The following SELENOF variants were observed in gnomAD, a reference collection of about 807,000 sequenced individuals.
The protein encoded by SELENOF is selenoprotein F, also known as 15 kDa selenoprotein.
Under a neutral mutation model 20.5 loss-of-function variants are expected in SELENOF, and 16 were observed. The ratio of observed to expected loss-of-function variants is 0.78; its 90% CI spans 0.53 to 1.19. SELENOF has a LOEUF of 1.19. Among genes scored for constraint, SELENOF ranks in the 50% most tolerant of loss-of-function variants. SELENOF has a pLI of 0.00. For missense variants in SELENOF, 215 were observed against 194.2 expected, an observed-to-expected ratio of 1.11 and a Z score of -0.64; for synonymous variants, 78 against 74.5, an observed-to-expected ratio of 1.05 and a Z score of -0.24.
At chr1:86,882,195 G>C (rs512328) in intron 2 of SELENOF, among the ~76,000 whole-genome samples, 37,419 of 142,708 alleles carry the variant, frequency 0.26, 5,924 homozygotes, top group African/African-American at 0.45. Context: ...GTTGCAGTGA[G>C]CCGAGATCAC....
At chr1:86,880,545 T>C (rs1035910044) in intron 3 of SELENOF, 117 bp downstream of exon 3, 1 of 557,926 alleles carries the variant, frequency 1.8e-6, no homozygotes, top group Admixed American at 3.7e-5. Context: ...AAAGCATATA[T>C]TGTTAAGAAA....
chr1:86,865,945 C>T (rs1452739994), intron 4 of SELENOF, among the ~76,000 whole-genome samples: 1 of 151,934 alleles, frequency 6.6e-6, no homozygotes, highest in Non-Finnish European at 1.5e-5. Flanking sequence ...TGTAAATCCC[C>T]GTTCTTTGGA....
intron 4 of SELENOF, among the ~76,000 whole-genome samples, chr1:86,863,873 G>A (rs1488433213): frequency 6.6e-6 from 1 of 152,118 alleles, no homozygotes; most frequent in African/African-American, 2.4e-5. Context: ...GCAGTGTAGT[G>A]GCACAATCTC....
intron 1 of SELENOF, among the ~76,000 whole-genome samples, chr1:86,905,660 A>AT (rs1340923291): frequency 2.6e-5 from 4 of 152,198 alleles, no homozygotes; most frequent in African/African-American, 7.2e-5. Flanking sequence ...CAGTTTTCAT[A>AT]TATCTGTTGG....
intron 2 of SELENOF, among the ~76,000 whole-genome samples, chr1:86,891,055 T>C (rs868227046): frequency 6.2e-5 from 9 of 144,216 alleles, no homozygotes; most frequent in Middle Eastern, 7.4e-3. Context: ...TATTTTTTCT[T>C]TTTTTTTTTT....
At chr1:86,882,878 C>T (rs945738696) in intron 2 of SELENOF, among the ~76,000 whole-genome samples, 4 of 152,152 alleles carry the variant, frequency 2.6e-5, no homozygotes, top group Non-Finnish European at 5.9e-5. Context: ...GTAATTCCAG[C>T]ACTTTGGGAC....
At chr1:86,884,919 C>G (rs1659174582) in intron 2 of SELENOF, among the ~76,000 whole-genome samples, 2 of 152,148 alleles carry the variant, frequency 1.3e-5, no homozygotes, top group African/African-American at 4.8e-5. Flanking sequence ...TTTGGAGTCT[C>G]TATTTCCATG....
intron 1 of SELENOF, among the ~76,000 whole-genome samples, chr1:86,911,229 T>C (rs1473085826): frequency 2.6e-5 from 4 of 152,342 alleles, no homozygotes; most frequent in Admixed American, 2.6e-4. Context: ...AAGTGATTTC[T>C]CTACTAAGAA....
rs1006652153 is a variant in SELENOF, at chr1:86,862,462, A to G, written c.*1012T>C. The G allele has an allele frequency of 2.0e-5, 3 of 152,208 alleles. No individual in the cohort carries two copies. Among genetic ancestry groups the G allele is most frequent in the African/African-American group, 7.2e-5 (3 of 41,470 alleles). 9.4% of individuals were successfully genotyped at this position (152,208 alleles called of 1,614,324 possible). Reference sequence around the variant, plus strand: ...ACAGAAGGTTAAGCAAAGAAAAATCATTTTTAATATAAAAATTCTATATCA... The same window carrying G: ...ACAGAAGGTTAAGCAAAGAAAAATCGTTTTTAATATAAAAATTCTATATCA... On this transcript the variant is annotated 3_prime_UTR_variant, in exon 5 of 5. Coordinates refer to ENST00000331835, the MANE Select transcript of SELENOF (RefSeq NM_004261.5).
At chr1:86,884,410 T>A (rs769310953) in intron 2 of SELENOF, among the ~76,000 whole-genome samples, 2 of 149,846 alleles carry the variant, frequency 1.3e-5, no homozygotes, top group Admixed American at 1.3e-4. Flanking sequence ...CGCACACACA[T>A]ATATATATAT....
chr1:86,904,487 T>C (rs990505596), intron 1 of SELENOF, among the ~76,000 whole-genome samples: 14 of 152,214 alleles, frequency 9.2e-5, no homozygotes, highest in Non-Finnish European at 1.9e-4. Flanking sequence ...TATCAGTGAA[T>C]GTGGTATACC....
chr1:86,875,449 G>C (rs867124664), intron 3 of SELENOF, among the ~76,000 whole-genome samples: 1 of 152,014 alleles, frequency 6.6e-6, no homozygotes, highest in African/African-American at 2.4e-5. Flanking sequence ...TTTTATAAAC[G>C]TTTGAATCCT....
intron 2 of SELENOF, among the ~76,000 whole-genome samples, chr1:86,885,415 G>A (rs1659187557): frequency 6.6e-6 from 1 of 151,862 alleles, no homozygotes; most frequent in Non-Finnish European, 1.5e-5. Context: ...TCCAAAATAA[G>A]TTCATTTATA....
chr1:86,883,593 T>C (rs1659135521), intron 2 of SELENOF, among the ~76,000 whole-genome samples: 2 of 152,196 alleles, frequency 1.3e-5, no homozygotes, highest in South Asian at 4.1e-4. Flanking sequence ...CATATTTAGA[T>C]TTGGTTATTA....
intron 1 of SELENOF, among the ~76,000 whole-genome samples, chr1:86,903,670 C>A (rs1659761557): frequency 6.6e-6 from 1 of 152,156 alleles, no homozygotes; most frequent in Non-Finnish European, 1.5e-5. Flanking sequence ...CCTCGGCTCA[C>A]TGCAACCTCT....
chr1:86,883,009 C>T (rs1028009253), intron 2 of SELENOF, among the ~76,000 whole-genome samples: 2 of 151,852 alleles, frequency 1.3e-5, no homozygotes, highest in Non-Finnish European at 2.9e-5. Flanking sequence ...CGCCTTAATC[C>T]CAGCTGCTTG....
intron 3 of SELENOF, among the ~76,000 whole-genome samples, chr1:86,871,882 T>TA (rs2102074557): frequency 6.6e-6 from 1 of 152,316 alleles, no homozygotes; most frequent in East Asian, 1.9e-4. Context: ...CATGAGTCAT[T>TA]AAATATGCAA....
intron 4 of SELENOF, among the ~76,000 whole-genome samples, chr1:86,865,782 A>T (rs928920486): frequency 2.0e-5 from 3 of 152,212 alleles, no homozygotes; most frequent in Non-Finnish European, 4.4e-5. Flanking sequence ...ATATAGACTC[A>T]AAAGAACTAA....
chr1:86,879,359 T>C (rs1376419725), intron 3 of SELENOF, among the ~76,000 whole-genome samples: 1 of 152,184 alleles, frequency 6.6e-6, no homozygotes, highest in Non-Finnish European at 1.5e-5. Context: ...AAAGTAAATA[T>C]CTTCTTTGCT....
Sources: allele counts gnomAD v4.1 joint callset (sites outside exome capture counted in the v4.1 genomes callset), GRCh38; gene constraint gnomAD v4.1.1; transcripts MANE v1.5; gene names NCBI Gene and HGNC (gene_info 2026-07-23, HGNC 2026-07-21).